The following CHRM2 variants were observed in gnomAD, a reference collection of about 807,000 sequenced individuals.
CHRM2 encodes cholinergic receptor muscarinic 2, also known as muscarinic acetylcholine receptor M2.
A neutral mutation model predicts 25.0 loss-of-function variants in CHRM2; 8 were observed. The ratio of observed to expected loss-of-function variants is 0.32; its 90% CI spans 0.19 to 0.58. The LOEUF (loss-of-function observed/expected upper bound fraction) is 0.58, where lower values mean the gene tolerates loss of function less well. Among genes scored for constraint, CHRM2 ranks in the 20% least tolerant of loss-of-function variants. The probability of loss-of-function intolerance (pLI) is 0.88; values close to 1 mark genes in which losing one functional copy is unlikely to be tolerated. For missense variants in CHRM2, 440 were observed against 567.1 expected (o/e 0.78, Z 2.28); for synonymous variants, 202 against 205.7 (o/e 0.98, Z 0.15).
At chr7:136,937,764 A>C (rs978146664) in intron 2 of CHRM2, among the ~76,000 whole-genome samples, 2 of 152,212 alleles carry the variant, frequency 1.3e-5, no homozygotes, top group African/African-American at 4.8e-5. Flanking sequence ...ATTTGAAAAA[A>C]ATAGAGAATC....
intron 2 of CHRM2, among the ~76,000 whole-genome samples, chr7:136,918,592 TTTAC>T (rs1370575323): frequency 1.3e-5 from 2 of 152,020 alleles, no homozygotes; most frequent in African/African-American, 2.4e-5. Flanking sequence ...TATTTATTTA[TTTAC>T]TTATTTATTT....
chr7:136,926,841 G>A (rs1429990129), intron 2 of CHRM2, among the ~76,000 whole-genome samples: 1 of 152,266 alleles, frequency 6.6e-6, no homozygotes, highest in East Asian at 1.9e-4. Context: ...GATGTATGGA[G>A]ACATAATTGA....
At chr7:136,942,736 G>A (rs758275250) in intron 2 of CHRM2, among the ~76,000 whole-genome samples, 2 of 152,086 alleles carry the variant, frequency 1.3e-5, no homozygotes, top group African/African-American at 4.8e-5. Flanking sequence ...AAATAATTTA[G>A]TTTTCCCATA....
intron 2 of CHRM2, among the ~76,000 whole-genome samples, chr7:136,878,835 G>GT (rs1435662856): frequency 6.6e-6 from 1 of 151,834 alleles, no homozygotes; most frequent in Non-Finnish European, 1.5e-5. Context: ...AGTTTTTAAT[G>GT]TTTTTTGTTT....
intron 2 of CHRM2, among the ~76,000 whole-genome samples, chr7:136,884,696 A>G (rs1796394974): frequency 6.6e-6 from 1 of 152,118 alleles, no homozygotes; most frequent in South Asian, 2.1e-4. Context: ...GAATGTTGGG[A>G]AGGCACTTGC....
chr7:136,994,742 T>C (rs1315166993), intron 3 of CHRM2, among the ~76,000 whole-genome samples: 1 of 151,672 alleles, frequency 6.6e-6, no homozygotes, highest in Non-Finnish European at 1.5e-5. Context: ...AAATCAAATA[T>C]ATTAAATTTT....
In CHRM2 at chr7:136,935,460, T is replaced by C. The variant is rs1381560593; in HGVS notation, c.-124-56727T>C. 2.6e-5 allele frequency among the ~76,000 whole-genome samples: 4 copies of C among 152,168 alleles called. No individual in the cohort carries two copies. The South Asian group carries it at 6.2e-4, about 24-fold the overall frequency. On this transcript the variant is annotated intron_variant, in intron 2 of 3. Coordinates refer to ENST00000680005, the MANE Select transcript of CHRM2 (RefSeq NM_001006630.2). Reference sequence around the variant, plus strand: ...AAAATGGTAGGTACGACTAGACAACTAAAAATCTAATGATGAAGTTTAAAC... The same window carrying C: ...AAAATGGTAGGTACGACTAGACAACCAAAAATCTAATGATGAAGTTTAAAC...
At chr7:137,011,026 C>A (rs377625898) in intron 3 of CHRM2, among the ~76,000 whole-genome samples, 2 of 151,836 alleles carry the variant, frequency 1.3e-5, no homozygotes, top group African/African-American at 4.8e-5. Context: ...ACTTGTGCAA[C>A]CTCAGTTTTA....
At chr7:136,907,767 T>G (rs2130664500) in intron 2 of CHRM2, 1 of 152,070 alleles carries the variant, frequency 6.6e-6, no homozygotes, top group South Asian at 2.1e-4. Flanking sequence ...TTGCAAAACT[T>G]TCTTTGCAAC....
At chr7:136,880,605 A>G (rs189402115) in intron 2 of CHRM2, among the ~76,000 whole-genome samples, 64 of 151,888 alleles carry the variant, frequency 4.2e-4, no homozygotes, top group African/African-American at 1.5e-3. Context: ...TATTGAAAGA[A>G]TTTTTTTCTT....
At chr7:136,979,586 A>G (rs1246464506) in intron 2 of CHRM2, among the ~76,000 whole-genome samples, 2 of 152,136 alleles carry the variant, frequency 1.3e-5, no homozygotes, top group Non-Finnish European at 2.9e-5. Flanking sequence ...TATGTCTTAC[A>G]TTTAAATCTT....
Position 137,015,666 on chromosome 7 carries a change from G to A in CHRM2, c.801G>A (p.Arg267=). Residue 267 remains arginine, a synonymous_variant, in exon 4 of 4, where the codon AGG becomes AGA. Coordinates refer to ENST00000680005, the MANE Select transcript of CHRM2 (RefSeq NM_001006630.2). This position sits in a 1 kb window ranked among gnomAD's most constrained non-coding sequence, Gnocchi z 5.1. ...HNKIQNGKAP[R]DPVTENCVQG... is the part of the protein sequence containing the mutation. ...AAATCCAGAATGGCAAAGCCCCCAG[G>A]GATCCTGTGACTGAAAACTGTGTTC... 1 of 1,613,036 alleles carries A rather than the reference G, an allele frequency of 6.2e-7. No homozygotes were observed. Among genetic ancestry groups the A allele is most frequent in the Non-Finnish European group, 8.5e-7 (1 of 1,179,540 alleles).
At chr7:136,966,852 A>C (rs1233158020) in intron 2 of CHRM2, among the ~76,000 whole-genome samples, 1 of 152,010 alleles carries the variant, frequency 6.6e-6, no homozygotes, top group Non-Finnish European at 1.5e-5. Context: ...AATTCTTGAG[A>C]AATTCTTTAG....
Position 137,019,316 on chromosome 7 carries a change from C to T in CHRM2, c.*3050C>T, listed in dbSNP as rs1050726747. Reference sequence around the variant, plus strand: ...AGTCACAGATTGGGAACTCAGGCCACATCTACATATCAAAAATCACCAGAC... The same window carrying T: ...AGTCACAGATTGGGAACTCAGGCCATATCTACATATCAAAAATCACCAGAC... On this transcript the variant is annotated 3_prime_UTR_variant, in exon 4 of 4. Coordinates refer to ENST00000680005, the MANE Select transcript of CHRM2 (RefSeq NM_001006630.2). 3.9e-5 allele frequency: 6 copies of T among 151,900 alleles called. No homozygotes were observed. Among genetic ancestry groups the T allele is most frequent in the African/African-American group, 1.4e-4 (6 of 41,414 alleles). The allele number at this position is 151,900 out of a possible 1,614,324, so 9.4% of individuals were successfully genotyped here.
chr7:136,898,489 G>A (rs1797023144), intron 2 of CHRM2, among the ~76,000 whole-genome samples: 1 of 145,530 alleles, frequency 6.9e-6, no homozygotes, highest in Non-Finnish European at 1.5e-5. Flanking sequence ...TCAATTGCAT[G>A]CCTGTGTGTA....
intron 3 of CHRM2, among the ~76,000 whole-genome samples, chr7:136,993,086 C>T (rs1411380304): frequency 6.6e-6 from 1 of 152,176 alleles, no homozygotes; most frequent in Non-Finnish European, 1.5e-5. Context: ...ATAAAATTAA[C>T]TATCAAAGTC....
intron 2 of CHRM2, among the ~76,000 whole-genome samples, chr7:136,887,321 C>T (rs559336081): frequency 3.1e-4 from 35 of 111,818 alleles, no homozygotes; most frequent in African/African-American, 1.4e-3. Context: ...TATCCATCAC[C>T]TTATTCGCTT....
chr7:136,911,924 T>A (rs184082567), intron 2 of CHRM2, among the ~76,000 whole-genome samples: 8 of 152,014 alleles, frequency 5.3e-5, no homozygotes, highest in Non-Finnish European at 8.8e-5. Flanking sequence ...ATTCTTCCAT[T>A]TTTTACATAT....
intron 2 of CHRM2, among the ~76,000 whole-genome samples, chr7:136,938,747 A>T (rs1799572140): frequency 6.6e-6 from 1 of 151,842 alleles, no homozygotes. Flanking sequence ...CCTGGGAGGG[A>T]GGCCGCCATG....
Sources: gnomAD v4.1 joint callset for allele counts (sites outside exome capture counted in the v4.1 genomes callset) on GRCh38, gnomAD v4.1.1 for gene constraint, Gnocchi (gnomAD v3.1) non-coding constraint, MANE v1.5 for transcripts, NCBI Gene and HGNC (gene_info 2026-07-23, HGNC 2026-07-21) for gene names.